Variants in PLEKHA7 observed in about 807,000 individuals in gnomAD.
PLEKHA7 encodes pleckstrin homology domain containing A7.
PLEKHA7 carries 104 observed loss-of-function variants against 170.0 expected under a neutral mutation model. That is an observed-to-expected ratio of 0.61 (90% CI 0.52 to 0.72). The LOEUF (loss-of-function observed/expected upper bound fraction) is 0.72, where lower values mean the gene tolerates loss of function less well. PLEKHA7 is among the 30% of genes least tolerant of loss of function. The pLI is 0.00. For synonymous variants in PLEKHA7, 648 were observed against 660.8 expected (o/e 0.98, Z 0.30); for missense variants, 1,615 against 1,671.7 (o/e 0.97, Z 0.59).
In PLEKHA7 at chr11:16,826,549, T is replaced by C. The variant is rs146091349; in HGVS notation, c.914A>G (p.Asn305Ser). ...KVERQAVPQA[N>S]HTESCHECGR... ...ACATTCGTGACAGGACTCTGTGTGG[T>C]TGGCCTGGGGGACAGCCTGCCGCTC... Residue 305 changes from asparagine (N) to serine (S), a missense_variant, in exon 10 of 27, where the codon AAC becomes AGC. Coordinates refer to ENST00000531066, the MANE Select transcript of PLEKHA7 (RefSeq NM_001329630.2). 6.2e-7 allele frequency: 1 copy of C among 1,614,000 alleles called. No homozygotes were observed. Among genetic ancestry groups the C allele is most frequent in the African/African-American group, 1.3e-5 (1 of 74,930 alleles).
At chr11:16,816,304 C>T (rs1481482509) in intron 11 of PLEKHA7, 40 bp from the exon 12 acceptor site, 1 of 1,502,662 alleles carries the variant, frequency 6.7e-7, no homozygotes, top group Admixed American at 1.7e-5. Context: ...GGAGCCCAAA[C>T]CTCTGCCACT....
At chr11:16,995,021 A>G (rs2136986730) in intron 3 of PLEKHA7, among the ~76,000 whole-genome samples, 1 of 152,340 alleles carries the variant, frequency 6.6e-6, no homozygotes, top group East Asian at 1.9e-4. Flanking sequence ...TGGAGCTAAT[A>G]TTCCAGTGAC....
rs1848793358 is a variant in PLEKHA7, at chr11:16,778,318, C to T, written c.*680G>A. 6.6e-6 allele frequency: 1 copy of T among 152,470 alleles called. No individual in the cohort carries two copies. Among genetic ancestry groups the T allele is most frequent in the African/African-American group, 2.4e-5 (1 of 41,456 alleles). 9.4% of individuals were successfully genotyped at this position (152,470 alleles called of 1,614,324 possible). ...CTGCTTTTTTCTTTCTGACAAGAGCCTTTTGCTGGAGGAAGCCTGGGGGCA... is the reference window on the plus strand; with the variant it reads ...CTGCTTTTTTCTTTCTGACAAGAGCTTTTTGCTGGAGGAAGCCTGGGGGCA... On this transcript the variant is annotated 3_prime_UTR_variant, in exon 27 of 27. Transcript: ENST00000531066.
chr11:16,813,126 T>C lies in PLEKHA7; in HGVS notation c.1994A>G (p.Tyr665Cys), dbSNP rs1849496118. 2 of 1,613,490 alleles carry C rather than the reference T, an allele frequency of 1.2e-6. No individual in the cohort carries two copies. The highest frequency in any genetic ancestry group is 1.7e-6 in the Non-Finnish European group (2 of 1,179,536). ...TYLQLKKDLE[Y>C]LDLKMTGRDL... ...GATGTCACTTACCTTTAGATCCAGG[T>C]ACTCCAGGTCTTTCTTCAGCTGGAG... The change falls in exon 13 of 27, where the codon TAC becomes TGC. Residue 665 changes from tyrosine to cysteine, a missense_variant. Tyr to Cys is a radical substitution (Grantham distance 194). Transcript: ENST00000531066.
chr11:16,996,014 A>G (rs1298417493), intron 3 of PLEKHA7, among the ~76,000 whole-genome samples: 2 of 152,252 alleles, frequency 1.3e-5, no homozygotes, highest in African/African-American at 4.8e-5. Context: ...GCAGAAGTCA[A>G]GAAATTACCT....
At chr11:16,971,465 T>G (rs1268249041) in intron 3 of PLEKHA7, among the ~76,000 whole-genome samples, 1 of 152,356 alleles carries the variant, frequency 6.6e-6, no homozygotes, top group East Asian at 1.9e-4. Context: ...GAAATACAGA[T>G]ATTTAATCTC....
chr11:16,842,816 AG>A (rs1441907968), intron 8 of PLEKHA7, among the ~76,000 whole-genome samples: 2 of 152,194 alleles, frequency 1.3e-5, no homozygotes, highest in African/African-American at 4.8e-5. Flanking sequence ...TGTGTCTCCT[AG>A]GTACTTCCAC....
chr11:16,976,702 A>G (rs1357576158), intron 3 of PLEKHA7, among the ~76,000 whole-genome samples: 1 of 152,222 alleles, frequency 6.6e-6, no homozygotes, highest in Non-Finnish European at 1.5e-5. Context: ...CTTTCCCTCT[A>G]TTGGCACAAC....
intron 3 of PLEKHA7, among the ~76,000 whole-genome samples, chr11:17,005,546 A>AAGAG (rs769946288): frequency 6.6e-6 from 1 of 151,614 alleles, no homozygotes; most frequent in Non-Finnish European, 1.5e-5. Flanking sequence ...CAAAAAAAGA[A>AAGAG]AGAGAGAGAG....
intron 3 of PLEKHA7, among the ~76,000 whole-genome samples, chr11:16,898,603 T>G (rs1056418201): frequency 1.3e-5 from 2 of 152,236 alleles, no homozygotes; most frequent in Non-Finnish European, 2.9e-5. Flanking sequence ...AGTGAGCTAC[T>G]AATAATAGCA....
At chr11:16,878,597 C>G (rs1855482746) in intron 3 of PLEKHA7, among the ~76,000 whole-genome samples, 1 of 152,156 alleles carries the variant, frequency 6.6e-6, no homozygotes, top group Non-Finnish European at 1.5e-5. Flanking sequence ...CCTGGATGCT[C>G]TTTCCTCCGG....
chr11:16,995,763 C>T (rs1373602094), intron 3 of PLEKHA7, among the ~76,000 whole-genome samples: 1 of 152,122 alleles, frequency 6.6e-6, no homozygotes, highest in South Asian at 2.1e-4. Context: ...AGGCATGTCT[C>T]GAATCAAAAA....
At position 16,847,322 on chromosome 11, in the gene PLEKHA7, G is replaced by A. The variant is rs549198252; in HGVS notation, c.696+3869C>T. Among the ~76,000 whole-genome samples, 65 of 152,048 alleles carry A rather than the reference G, an allele frequency of 4.3e-4. 1 individual carries two copies. The highest frequency in any genetic ancestry group is 1.4e-3 in the African/African-American group (58 of 41,498). ...TTAGCCAGGATGGTCTCGATCTCCTGACCTCGTGATCCGCCCCCCTCTGCC... is the reference window on the plus strand; with the variant it reads ...TTAGCCAGGATGGTCTCGATCTCCTAACCTCGTGATCCGCCCCCCTCTGCC... On this transcript the variant is annotated intron_variant, in intron 8 of 26. Coordinates refer to ENST00000531066, the MANE Select transcript of PLEKHA7 (RefSeq NM_001329630.2).
chr11:16,798,033 T>G (rs535270597), intron 17 of PLEKHA7, among the ~76,000 whole-genome samples: 1 of 152,322 alleles, frequency 6.6e-6, no homozygotes, highest in Non-Finnish European at 1.5e-5. Flanking sequence ...CCCACCACAC[T>G]GGGTAGAAAG....
At chr11:16,802,951 T>C (rs1848699310) in intron 15 of PLEKHA7, 21 bp downstream of exon 15, 1 of 1,592,400 alleles carries the variant, frequency 6.3e-7, no homozygotes, top group Non-Finnish European at 8.6e-7. Context: ...CATTCCAAGA[T>C]TATTCAAAAC....
intron 3 of PLEKHA7, chr11:17,013,252 T>G (rs1304815291): frequency 6.6e-6 from 1 of 152,378 alleles, no homozygotes; most frequent in East Asian, 1.9e-4. Context: ...TGCGCCCCAA[T>G]CTGACATGGA....
Position 16,789,150 on chromosome 11 carries a change from C to G in PLEKHA7, c.3303G>C (p.Thr1101=), listed in dbSNP as rs372525564. Residue 1101 remains threonine (T), a synonymous_variant, in exon 23 of 27, where the codon ACG becomes ACC. Coordinates refer to ENST00000531066, the MANE Select transcript of PLEKHA7 (RefSeq NM_001329630.2). The surrounding 1 kb of genome is among the most constrained non-coding windows in gnomAD (Gnocchi z 4.6). ...RKRTLGQGER[T]GLPSSRYLSR... Reference sequence around the variant, plus strand: ...TGAGGTAGCGAGATGAGGGCAGGCCCGTCCTCTCCCCTTGGCCCAGTGTCC... The same window carrying G: ...TGAGGTAGCGAGATGAGGGCAGGCCGGTCCTCTCCCCTTGGCCCAGTGTCC... 1.2e-6 allele frequency: 2 copies of G among 1,610,800 alleles called. No individual in the cohort carries two copies. The highest frequency in any genetic ancestry group is 1.3e-5 in the African/African-American group (1 of 74,930).
chr11:16,827,829 TAA>T (rs11358170), intron 9 of PLEKHA7, among the ~76,000 whole-genome samples: 20 of 135,470 alleles, frequency 1.5e-4, no homozygotes, highest in Non-Finnish European at 1.9e-4. Context: ...ACTCCATGGT[TAA>T]AAAAAAAAAA....
chr11:16,848,080 C>T (rs1325982174), intron 8 of PLEKHA7, among the ~76,000 whole-genome samples: 1 of 151,824 alleles, frequency 6.6e-6, no homozygotes, highest in Admixed American at 6.6e-5. Context: ...TGGTGGTGGC[C>T]AAGACAGAAT....
Sources: gnomAD v4.1 joint callset for allele counts (sites outside exome capture counted in the v4.1 genomes callset) on GRCh38, gnomAD v4.1.1 for gene constraint, Gnocchi (gnomAD v3.1) non-coding constraint, MANE v1.5 for transcripts, NCBI Gene and HGNC (gene_info 2026-07-23, HGNC 2026-07-21) for gene names.